GALNT18: variants seen among roughly 807,000 people sequenced by gnomAD.
The protein encoded by GALNT18 is polypeptide N-acetylgalactosaminyltransferase 18.
In GALNT18, 44 loss-of-function variants were observed where a neutral mutation model predicts 69.5. The observed-to-expected ratio is 0.63, with a 90% CI of 0.50 to 0.81. The LOEUF (loss-of-function observed/expected upper bound fraction) is 0.81, where lower values mean the gene tolerates loss of function less well. Ranked by LOEUF, GALNT18 falls within the 40% of genes least tolerant of loss-of-function variation. The pLI is 0.00. For missense variants in GALNT18, 715 were observed against 810.0 expected (o/e 0.88, Z 1.42); for synonymous variants, 364 against 318.2 (o/e 1.14, Z -1.53).
At chr11:11,537,421 G>A (rs972188069) in intron 1 of GALNT18, among the ~76,000 whole-genome samples, 2 of 152,170 alleles carry the variant, frequency 1.3e-5, no homozygotes, top group Admixed American at 1.3e-4. Flanking sequence ...GTGGTCACCA[G>A]GATACAGGCA....
Position 11,432,894 on chromosome 11 carries a change from C to T in GALNT18, c.429-107G>A, listed in dbSNP as rs1042222696. On this transcript the variant is annotated intron_variant, in intron 2 of 10. Coordinates refer to ENST00000227756, the MANE Select transcript of GALNT18 (RefSeq NM_198516.3). This position sits in a 1 kb window ranked among gnomAD's most constrained non-coding sequence, Gnocchi z 5.8. ...AGCTTTGCTGGAGGGCTCGGGAGTC[C>T]AGATTCTTCCAAGGGCCCCTTCTTT... The T allele has an allele frequency of 9.4e-6, 10 of 1,062,254 alleles. No individual in the cohort carries two copies. The highest frequency in any genetic ancestry group is 1.6e-5 in the South Asian group (1 of 61,784). The allele number at this position is 1,062,254 out of a possible 1,614,324, so 65.8% of individuals were successfully genotyped here.
At chr11:11,286,856 C>T (rs1209392846) in intron 10 of GALNT18, among the ~76,000 whole-genome samples, 1 of 152,118 alleles carries the variant, frequency 6.6e-6, no homozygotes, top group Non-Finnish European at 1.5e-5. Flanking sequence ...TTCAGGCTGG[C>T]CCAGTGAGAA....
At chr11:11,487,592 C>G (rs1351521423) in intron 1 of GALNT18, among the ~76,000 whole-genome samples, 2 of 152,168 alleles carry the variant, frequency 1.3e-5, no homozygotes, top group African/African-American at 2.4e-5. Flanking sequence ...TTATTTTTCT[C>G]TCCTCTCATT....
At chr11:11,419,135 T>A (rs17437771) in intron 3 of GALNT18, among the ~76,000 whole-genome samples, 12,550 of 152,248 alleles carry the variant, frequency 0.082, 621 homozygotes, top group East Asian at 0.15. Flanking sequence ...TTTGGTTGGC[T>A]ACAAATCAAG....
chr11:11,340,706 G>T lies in GALNT18; in HGVS notation c.1278+113C>A. On this transcript the variant is annotated intron_variant, in intron 7 of 10. Coordinates refer to ENST00000227756, the MANE Select transcript of GALNT18 (RefSeq NM_198516.3). This position sits in a 1 kb window ranked among gnomAD's most constrained non-coding sequence, Gnocchi z 4.2. ...GTTTTGGGGTTGAGAGTCCATTCTT[G>T]CATGGCAAACAGGACTCTGGCTGAC... is the stretch of plus-strand genomic sequence containing the variant. 1 of 1,000,090 alleles carries T rather than the reference G, an allele frequency of 1.0e-6. No homozygotes were observed. Among genetic ancestry groups the T allele is most frequent in the Non-Finnish European group, 1.5e-6 (1 of 680,882 alleles). 62.0% of individuals were successfully genotyped at this position (1,000,090 alleles called of 1,614,324 possible). A position where few individuals can be genotyped will look rare whatever the true frequency, so the allele number is the denominator to read the frequency against.
chr11:11,403,159 C>T (rs80340425), intron 3 of GALNT18, among the ~76,000 whole-genome samples: 1,587 of 152,264 alleles, frequency 0.01, 25 homozygotes, highest in African/African-American at 0.036. Context: ...CTTGAACTTG[C>T]GGCATCCTTC....
intron 1 of GALNT18, among the ~76,000 whole-genome samples, chr11:11,487,351 T>C (rs1856666106): frequency 6.6e-6 from 1 of 151,950 alleles, no homozygotes; most frequent in African/African-American, 2.4e-5. Context: ...ACCTCGCAAA[T>C]CACTATTAAA....
chr11:11,429,804 C>G (rs527569577), intron 3 of GALNT18, among the ~76,000 whole-genome samples: 1 of 152,244 alleles, frequency 6.6e-6, no homozygotes, highest in African/African-American at 2.4e-5. Context: ...ACACGTTATT[C>G]CTGAAACTAA....
At chr11:11,503,720 A>C (rs557762107) in intron 1 of GALNT18, among the ~76,000 whole-genome samples, 100 of 152,302 alleles carry the variant, frequency 6.6e-4, no homozygotes, top group South Asian at 1.2e-3. Flanking sequence ...AAGCTTCGCC[A>C]CCTTCTGTGA....
Position 11,377,823 on chromosome 11 carries a change from G to A in GALNT18, c.780-444C>T, listed in dbSNP as rs1487914016. On this transcript the variant is annotated intron_variant, in intron 4 of 10. Coordinates refer to ENST00000227756, the MANE Select transcript of GALNT18 (RefSeq NM_198516.3). The surrounding 1 kb of genome is among the most constrained non-coding windows in gnomAD (Gnocchi z 4.6). The stretch of plus-strand genomic sequence containing the variant: ...CAGATGAGGATGGCAGAGACTAGGA[G>A]CTGAGAACAAACCTACATCCACCAG... Among the ~76,000 whole-genome samples, 1 of 152,158 alleles carries A rather than the reference G, an allele frequency of 6.6e-6. No homozygotes were observed. Among genetic ancestry groups the A allele is most frequent in the Non-Finnish European group, 1.5e-5 (1 of 68,040 alleles).
chr11:11,454,434 T>C lies in GALNT18; in HGVS notation c.236-5498A>G, dbSNP rs529796420. 2.1e-4 allele frequency among the ~76,000 whole-genome samples: 32 copies of C among 152,022 alleles called. No homozygotes were observed. The highest frequency in any genetic ancestry group is 3.7e-4 in the Non-Finnish European group (25 of 67,970). On this transcript the variant is annotated intron_variant, in intron 1 of 10. Coordinates refer to ENST00000227756, the MANE Select transcript of GALNT18 (RefSeq NM_198516.3). The surrounding 1 kb of genome is among the most constrained non-coding windows in gnomAD (Gnocchi z 4.2). Reference sequence around the variant, plus strand: ...CAGAATAGGACTGTGCATGGAGTAATTACCCCCAAAATATAGGGAGAAGGA... The same window carrying C: ...CAGAATAGGACTGTGCATGGAGTAACTACCCCCAAAATATAGGGAGAAGGA...
At chr11:11,570,357 G>A (rs1858761351) in intron 1 of GALNT18, among the ~76,000 whole-genome samples, 1 of 152,308 alleles carries the variant, frequency 6.6e-6, no homozygotes, top group South Asian at 2.1e-4. Context: ...GGCTTGCACT[G>A]TGCATATCTG....
chr11:11,426,030 T>C (rs1408773167), intron 3 of GALNT18, among the ~76,000 whole-genome samples: 1 of 152,208 alleles, frequency 6.6e-6, no homozygotes, highest in Non-Finnish European at 1.5e-5. Context: ...CCCACCATTT[T>C]CTTGATTTGA....
chr11:11,298,654 A>T (rs1849441677), intron 9 of GALNT18, among the ~76,000 whole-genome samples: 1 of 152,178 alleles, frequency 6.6e-6, no homozygotes, highest in African/African-American at 2.4e-5. Context: ...TGTCACGCTG[A>T]GCTCTGGGGA....
chr11:11,495,518 A>G (rs1211474294), intron 1 of GALNT18, among the ~76,000 whole-genome samples: 1 of 152,260 alleles, frequency 6.6e-6, no homozygotes, highest in Non-Finnish European at 1.5e-5. Context: ...TTAAGCAGCC[A>G]TATTCATTTG....
intron 1 of GALNT18, among the ~76,000 whole-genome samples, chr11:11,508,187 T>C (rs1265121688): frequency 6.6e-6 from 1 of 152,228 alleles, no homozygotes; most frequent in Non-Finnish European, 1.5e-5. Flanking sequence ...ATTTGCTTGT[T>C]ATATATCTTT....
chr11:11,592,731 G>C lies in GALNT18; in HGVS notation c.235+28628C>G, dbSNP rs1265762649. ...TTTGAAAAGCCAAAAAACAGGAAAG[G>C]GGCTGATTTATTAGGCAGTCTGGGG... On this transcript the variant is annotated intron_variant, in intron 1 of 10. Coordinates refer to ENST00000227756, the MANE Select transcript of GALNT18 (RefSeq NM_198516.3). This position sits in a 1 kb window ranked among gnomAD's most constrained non-coding sequence, Gnocchi z 5.9. Among the ~76,000 whole-genome samples, 5 of 152,114 alleles carry C rather than the reference G, an allele frequency of 3.3e-5. No homozygotes were observed. The highest frequency in any genetic ancestry group is 7.4e-5 in the Non-Finnish European group (5 of 68,022).
chr11:11,330,110 T>C (rs1321621678), intron 8 of GALNT18, among the ~76,000 whole-genome samples: 5 of 152,142 alleles, frequency 3.3e-5, no homozygotes, highest in Admixed American at 6.5e-5. Context: ...GGGAAACTTA[T>C]GCCCACACGA....
chr11:11,306,239 G>GTA (rs1849577077), intron 9 of GALNT18, among the ~76,000 whole-genome samples: 5 of 152,046 alleles, frequency 3.3e-5, no homozygotes, highest in South Asian at 2.1e-4. Flanking sequence ...GTGTGTATGT[G>GTA]TGTGTGTGTG....
Sources: allele counts gnomAD v4.1 joint callset (sites outside exome capture counted in the v4.1 genomes callset), GRCh38; gene constraint gnomAD v4.1.1; non-coding constraint Gnocchi (gnomAD v3.1); transcripts MANE v1.5; gene names NCBI Gene and HGNC (gene_info 2026-07-23, HGNC 2026-07-21).